The following FBXW11 variants were observed in gnomAD, a reference collection of about 807,000 sequenced individuals.
FBXW11 encodes the protein F-box/WD repeat-containing protein 11.
A neutral mutation model predicts 77.6 loss-of-function variants in FBXW11; 19 were observed. The observed-to-expected ratio is 0.24, with a 90% confidence interval of 0.17 to 0.36. The LOEUF is 0.36. Among genes scored for constraint, FBXW11 ranks in the 10% least tolerant of loss-of-function variants. FBXW11 has a pLI of 1.00. For synonymous variants in FBXW11, 235 were observed against 249.4 expected (o/e 0.94, Z 0.54); for missense variants, 334 against 704.2 (o/e 0.47, Z 5.95).
At chr5:171,982,711 A>T (rs1213552569) in intron 1 of FBXW11, among the ~76,000 whole-genome samples, 2 of 152,204 alleles carry the variant, frequency 1.3e-5, no homozygotes, top group African/African-American at 4.8e-5. Flanking sequence ...CATCCAATGC[A>T]GCAAAACTCC....
At chr5:171,947,849 C>T (rs542854052) in intron 2 of FBXW11, among the ~76,000 whole-genome samples, 2 of 151,570 alleles carry the variant, frequency 1.3e-5, no homozygotes, top group East Asian at 1.9e-4. Context: ...CCTGGGAGGT[C>T]GACGCTATAG....
intron 2 of FBXW11, among the ~76,000 whole-genome samples, chr5:171,920,577 T>C (rs1761538201): frequency 1.3e-5 from 2 of 151,874 alleles, no homozygotes; most frequent in South Asian, 2.1e-4. Context: ...AATTTAAAAA[T>C]AAGCCAAGCC....
intron 1 of FBXW11, among the ~76,000 whole-genome samples, chr5:171,978,976 A>T (rs1764996497): frequency 6.6e-6 from 1 of 152,202 alleles, no homozygotes; most frequent in Non-Finnish European, 1.5e-5. Flanking sequence ...AACATGAAGA[A>T]AGCATGTTTC....
chr5:171,919,491 CCAGT>C (rs1358641548), intron 2 of FBXW11, among the ~76,000 whole-genome samples: 1 of 151,878 alleles, frequency 6.6e-6, no homozygotes, highest in Non-Finnish European at 1.5e-5. Context: ...AATTATGAAA[CCAGT>C]CATTCACTGG....
chr5:171,932,283 T>A (rs1057313675), intron 2 of FBXW11, among the ~76,000 whole-genome samples: 6 of 151,972 alleles, frequency 3.9e-5, no homozygotes, highest in African/African-American at 1.5e-4. Context: ...AGATGACAAA[T>A]AAACATGGAA....
At chr5:171,878,601 A>AGTGTGT (rs1465683536) in intron 7 of FBXW11, among the ~76,000 whole-genome samples, 2 of 69,112 alleles carry the variant, frequency 2.9e-5, no homozygotes, top group African/African-American at 4.2e-5. Flanking sequence ...TAAGAGAGAG[A>AGTGTGT]GAGTGTGTGT....
intron 7 of FBXW11, among the ~76,000 whole-genome samples, chr5:171,879,815 T>C (rs1477558201): frequency 6.6e-6 from 1 of 152,260 alleles, no homozygotes; most frequent in Non-Finnish European, 1.5e-5. Flanking sequence ...AATTGTTTTT[T>C]TTCTTACTGT....
chr5:171,923,223 A>G (rs1365687290), intron 2 of FBXW11, among the ~76,000 whole-genome samples: 2 of 152,150 alleles, frequency 1.3e-5, no homozygotes, highest in Admixed American at 6.5e-5. Flanking sequence ...TGGATAACAA[A>G]GCTTTTAATC....
chr5:171,946,384 G>A (rs890387463), intron 2 of FBXW11, among the ~76,000 whole-genome samples: 12 of 152,258 alleles, frequency 7.9e-5, no homozygotes, highest in African/African-American at 2.9e-4. Context: ...GACATTCAAT[G>A]ACCCCTCTGG....
intron 7 of FBXW11, among the ~76,000 whole-genome samples, chr5:171,879,275 A>G (rs1244372992): frequency 1.3e-5 from 2 of 152,100 alleles, no homozygotes; most frequent in Non-Finnish European, 2.9e-5. Flanking sequence ...CTGTCTTTTC[A>G]TGGCTTGATA....
intron 1 of FBXW11, among the ~76,000 whole-genome samples, chr5:172,003,883 A>G (rs1407562683): frequency 6.6e-6 from 1 of 152,252 alleles, no homozygotes; most frequent in Non-Finnish European, 1.5e-5. Context: ...AATACAGCAC[A>G]CTTTGGAACA....
chr5:171,914,410 G>A lies in FBXW11; in HGVS notation c.148-5C>T. On this transcript the variant is annotated splice_polypyrimidine_tract_variant and splice_region_variant and intron_variant, in intron 2 of 13. Coordinates refer to ENST00000517395, the MANE Select transcript of FBXW11 (RefSeq NM_001378974.1). ...ATCTTCCATAACTGAAGTGTTCTAG[G>A]GGGGGAAAAACAGGTTATTTGAATT... The A allele has an allele frequency of 1.3e-6, 2 of 1,577,558 alleles. No homozygotes were observed. The highest frequency in any genetic ancestry group is 1.4e-5 in the African/African-American group (1 of 72,846).
intron 2 of FBXW11, among the ~76,000 whole-genome samples, chr5:171,946,460 G>A (rs751381086): frequency 3.3e-5 from 5 of 152,136 alleles, no homozygotes; most frequent in Non-Finnish European, 5.9e-5. Flanking sequence ...AACTCTAGAA[G>A]CCCCACAGAA....
intron 13 of FBXW11, 50 bp downstream of exon 13, chr5:171,868,560 G>A: frequency 6.8e-7 from 1 of 1,477,072 alleles, no homozygotes; most frequent in Non-Finnish European, 9.2e-7. Context: ...TTCCCCAAAG[G>A]GAAGGTGAAT....
chr5:171,877,864 T>C, intron 8 of FBXW11, 147 bp downstream of exon 8: 1 of 654,086 alleles, frequency 1.5e-6, no homozygotes, highest in Non-Finnish European at 2.7e-6. Context: ...CTGCCTAATT[T>C]GCGCAAACAT....
chr5:171,976,543 GT>G (rs1220773878), intron 1 of FBXW11, among the ~76,000 whole-genome samples: 1 of 152,102 alleles, frequency 6.6e-6, no homozygotes, highest in Non-Finnish European at 1.5e-5. Flanking sequence ...GGGCTTAATG[GT>G]AAGTGTTTAG....
rs1758091997 is a variant in FBXW11, at chr5:171,876,513, A to C, written c.993T>G (p.Gly331=). Residue 331 remains glycine, a synonymous_variant, in exon 9 of 14, where the codon GGT becomes GGG. Transcript: ENST00000517395. The surrounding 1 kb of genome is among the most constrained non-coding windows in gnomAD (Gnocchi z 4.2). The stretch of plus-strand genomic sequence containing the variant: ...GGTGGATCAATGTGTTAAGAACTTC[A>C]CCCGTGTTCACATCCCACACTCTAG... ...STVRVWDVNT[G]EVLNTLIHHN... is the part of the protein sequence containing the mutation. 6.2e-7 allele frequency: 1 copy of C among 1,614,124 alleles called. No individual in the cohort carries two copies. The highest frequency in any genetic ancestry group is 2.2e-5 in the East Asian group (1 of 44,868).
intron 2 of FBXW11, among the ~76,000 whole-genome samples, chr5:171,932,954 C>CA (rs59324690): frequency 0.01 from 510 of 50,250 alleles, 9 homozygotes; most frequent in African/African-American, 0.03. Context: ...CTGCCTCTAC[C>CA]AAAAAAAAAA....
rs779530352 is a variant in FBXW11 at position 171,876,484 on chromosome 5, T to C, written c.1022A>G (p.Asn341Ser). ...GAAGCGTAAGTGCAATACAGCCTCA[T>C]TGTGGTGGATCAATGTGTTAAGAAC... is the stretch of plus-strand genomic sequence containing the variant. ...GEVLNTLIHHNEAVLHLRFSN... is the reference protein window; with the variant it reads ...GEVLNTLIHHSEAVLHLRFSN... Residue 341 changes from asparagine (N) to serine (S), a missense_variant, in exon 9 of 14, where the codon AAT becomes AGT. Physicochemically the swap from Asn to Ser is conservative, Grantham distance 46. Coordinates refer to ENST00000517395, the MANE Select transcript of FBXW11 (RefSeq NM_001378974.1). This position sits in a 1 kb window ranked among gnomAD's most constrained non-coding sequence, Gnocchi z 4.2. 6 of 1,614,174 alleles carry C rather than the reference T, an allele frequency of 3.7e-6. No individual in the cohort carries two copies. The highest frequency in any genetic ancestry group is 5.1e-6 in the Non-Finnish European group (6 of 1,180,020).
Sources: gnomAD v4.1 joint callset for allele counts (sites outside exome capture counted in the v4.1 genomes callset) on GRCh38, gnomAD v4.1.1 for gene constraint, Gnocchi (gnomAD v3.1) non-coding constraint, MANE v1.5 for transcripts, NCBI Gene and HGNC (gene_info 2026-07-23, HGNC 2026-07-21) for gene names.